Variants in SLC38A4 observed in about 807,000 individuals in gnomAD.
The protein encoded by SLC38A4 is sodium-coupled neutral amino acid transporter 4.
A neutral mutation model predicts 63.1 loss-of-function variants in SLC38A4; 20 were observed. That is an observed-to-expected ratio of 0.32 (90% CI 0.22 to 0.46). The LOEUF (loss-of-function observed/expected upper bound fraction) is 0.46. Among genes scored for constraint, SLC38A4 ranks in the 20% least tolerant of loss-of-function variants. SLC38A4 has a pLI of 1.00. For missense variants in SLC38A4, 526 were observed against 663.6 expected (o/e 0.79, Z 2.28); for synonymous variants, 230 against 225.5 (o/e 1.02, Z -0.18).
In SLC38A4 at chr12:46,772,806, A is replaced by T. The variant is rs990660453; in HGVS notation, c.1299+2243T>A. 3.3e-5 allele frequency among the ~76,000 whole-genome samples: 5 copies of T among 152,112 alleles called. No individual in the cohort carries two copies. The East Asian group carries it at 9.7e-4, about 29-fold the overall frequency. ...GTTGAAAGAAGGAGAACACAAAATA[A>T]TGCCTAAAGCTGATAGATTTTAATT... On this transcript the variant is annotated intron_variant, in intron 14 of 16. Coordinates refer to ENST00000266579, the MANE Select transcript of SLC38A4 (RefSeq NM_018018.5).
intron 16 of SLC38A4, among the ~76,000 whole-genome samples, chr12:46,767,708 A>G (rs776752467): frequency 2.6e-5 from 4 of 152,150 alleles, no homozygotes; most frequent in Non-Finnish European, 5.9e-5. Context: ...GTGAAAGATA[A>G]TATTTCCTTA....
chr12:46,776,898 AC>A lies in SLC38A4; in HGVS notation c.1174+5del. 1 of 1,609,924 alleles carries A rather than the reference AC, an allele frequency of 6.2e-7. No homozygotes were observed. The highest frequency in any genetic ancestry group is 8.5e-7 in the Non-Finnish European group (1 of 1,176,734). On this transcript the variant is annotated splice_donor_5th_base_variant and intron_variant, in intron 13 of 16. Transcript: ENST00000266579. Reference sequence around the variant, plus strand: ...CATATAGAGAATGACTTTCAGAGTGACCTACCATAGAAGGTTAGGTAACCAA... The same window carrying A: ...CATATAGAGAATGACTTTCAGAGTGACTACCATAGAAGGTTAGGTAACCAA...
chr12:46,796,574 T>C (rs1939010173), intron 2 of SLC38A4, among the ~76,000 whole-genome samples: 1 of 152,178 alleles, frequency 6.6e-6, no homozygotes, highest in Non-Finnish European at 1.5e-5. Flanking sequence ...TGTAAGTGGC[T>C]CTTCTGCTGC....
chr12:46,788,680 T>C, intron 3 of SLC38A4, 62 bp from the exon 4 acceptor site: 9 of 1,413,762 alleles, frequency 6.4e-6, no homozygotes, highest in Non-Finnish European at 6.9e-6. Flanking sequence ...CTGAATCATA[T>C]GTATGTTTCA....
intron 2 of SLC38A4, among the ~76,000 whole-genome samples, chr12:46,796,815 CA>C (rs1939018063): frequency 1.3e-5 from 2 of 152,094 alleles, no homozygotes; most frequent in South Asian, 4.1e-4. Flanking sequence ...GTATCCCAAA[CA>C]GACCATGATG....
chr12:46,803,260 T>G (rs1255039506), intron 2 of SLC38A4, among the ~76,000 whole-genome samples: 3 of 152,044 alleles, frequency 2.0e-5, no homozygotes, highest in Non-Finnish European at 2.9e-5. Context: ...TAAGACAGAT[T>G]ATGTCAATTC....
intron 1 of SLC38A4, among the ~76,000 whole-genome samples, chr12:46,808,051 T>G (rs933100055): frequency 1.3e-5 from 2 of 152,044 alleles, no homozygotes; most frequent in African/African-American, 4.8e-5. Flanking sequence ...TTGCATTGTT[T>G]TAATCCAAAA....
Position 46,787,974 on chromosome 12 carries a change from C to T in SLC38A4, c.268G>A (p.Gly90Ser). The T allele has an allele frequency of 6.2e-7, 1 of 1,613,912 alleles. No individual in the cohort carries two copies. Among genetic ancestry groups the T allele is most frequent in the Non-Finnish European group, 8.5e-7 (1 of 1,179,846 alleles). Residue 90 changes from glycine to serine, a missense_variant, in exon 5 of 17, where the codon GGC becomes AGC. Coordinates refer to ENST00000266579, the MANE Select transcript of SLC38A4 (RefSeq NM_018018.5). ...SSFNLSNAIM[G>S]SGILGLSYAM... ...TAGGACAAGCCCAGGATCCCACTGC[C>T]CATGATGGCATTACTCAGGTTAAAT...
Position 46,813,541 on chromosome 12 carries a change from C to T in SLC38A4, c.-304-9747G>A, listed in dbSNP as rs544193298. Among the ~76,000 whole-genome samples, 3 of 152,088 alleles carry T rather than the reference C, an allele frequency of 2.0e-5. No homozygotes were observed. In the South Asian group the frequency reaches 6.2e-4, roughly 32 times the overall value. The stretch of plus-strand genomic sequence containing the variant: ...AAGTCAAGTTAACCCCTTCCTCCTT[C>T]GTGCTGTCTGTGCCTCTTGCAAGCC... On this transcript the variant is annotated intron_variant, in intron 1 of 16. Coordinates refer to ENST00000266579, the MANE Select transcript of SLC38A4 (RefSeq NM_018018.5).
intron 1 of SLC38A4, among the ~76,000 whole-genome samples, chr12:46,822,530 T>C (rs1939570994): frequency 6.6e-6 from 1 of 152,160 alleles, no homozygotes; most frequent in Admixed American, 6.5e-5. Context: ...GTCTAACTTC[T>C]GAGCCCAGCT....
chr12:46,828,294 T>G (rs1373797901), upstream of SLC38A4, among the ~76,000 whole-genome samples: 1 of 152,148 alleles, frequency 6.6e-6, no homozygotes, highest in Non-Finnish European at 1.5e-5. Flanking sequence ...ATTTTTCCTT[T>G]TTTTTATTTT....
intron 3 of SLC38A4, among the ~76,000 whole-genome samples, chr12:46,790,150 A>G (rs1301326245): frequency 2.6e-5 from 4 of 152,188 alleles, no homozygotes; most frequent in African/African-American, 7.2e-5. Context: ...TGTACAAGCT[A>G]TTTTTTATAA....
At chr12:46,771,046 C>T (rs1358835396) in intron 14 of SLC38A4, among the ~76,000 whole-genome samples, 1 of 152,076 alleles carries the variant, frequency 6.6e-6, no homozygotes, top group Non-Finnish European at 1.5e-5. Context: ...TCTAGAATGA[C>T]AAACCAGATA....
intron 2 of SLC38A4, among the ~76,000 whole-genome samples, chr12:46,796,334 C>G (rs2429468): frequency 3.9e-5 from 6 of 151,966 alleles, no homozygotes; most frequent in Admixed American, 2.0e-4. Context: ...TTCAGAAGTT[C>G]CTTTTGTTCC....
intron 2 of SLC38A4, among the ~76,000 whole-genome samples, chr12:46,797,236 G>A (rs536601936): frequency 1.3e-5 from 2 of 152,184 alleles, no homozygotes; most frequent in Admixed American, 6.5e-5. Context: ...TTATTTTGGG[G>A]TGTGTCTGTG....
chr12:46,811,318 C>T (rs1939336365), intron 1 of SLC38A4, among the ~76,000 whole-genome samples: 1 of 151,860 alleles, frequency 6.6e-6, no homozygotes, highest in South Asian at 2.1e-4. Context: ...AAGTGTGGCA[C>T]CCAACTCAAC....
At chr12:46,775,009 G>T in intron 14 of SLC38A4, 40 bp downstream of exon 14, 1 of 1,603,716 alleles carries the variant, frequency 6.2e-7, no homozygotes, top group Non-Finnish European at 8.5e-7. Context: ...TAATTTATGG[G>T]GTCAAGTAGG....
chr12:46,827,360 C>T (rs1939673407), upstream of SLC38A4, among the ~76,000 whole-genome samples: 1 of 152,162 alleles, frequency 6.6e-6, no homozygotes, highest in South Asian at 2.1e-4. Context: ...AACATTATGA[C>T]CAAGAGTATT....
intron 5 of SLC38A4, among the ~76,000 whole-genome samples, chr12:46,786,098 T>C (rs924715848): frequency 1.3e-5 from 2 of 152,146 alleles, no homozygotes; most frequent in Non-Finnish European, 2.9e-5. Flanking sequence ...TTATTTTCCA[T>C]AGAGTATGTT....
Sources: allele counts gnomAD v4.1 joint callset (sites outside exome capture counted in the v4.1 genomes callset), GRCh38; gene constraint gnomAD v4.1.1; transcripts MANE v1.5; gene names NCBI Gene and HGNC (gene_info 2026-07-23, HGNC 2026-07-21).